The following CELF5 variants were observed in gnomAD, a reference collection of about 807,000 sequenced individuals.
CELF5 encodes CUG-BP and ETR-3 like factor 5.
A neutral mutation model predicts 54.9 loss-of-function variants in CELF5; 6 were observed. That is an observed-to-expected ratio of 0.11 (90% CI 0.06 to 0.22). CELF5 has a LOEUF of 0.22. Among genes scored for constraint, CELF5 ranks in the 10% least tolerant of loss-of-function variants. The pLI is 1.00. For synonymous variants in CELF5, 271 were observed against 290.9 expected, an observed-to-expected ratio of 0.93 and a Z score of 0.70; for missense variants, 401 against 678.6, an observed-to-expected ratio of 0.59 and a Z score of 4.54.
At chr19:3,257,606 G>C (rs890431887) in intron 2 of CELF5, among the ~76,000 whole-genome samples, 3 of 151,034 alleles carry the variant, frequency 2.0e-5, no homozygotes, top group Non-Finnish European at 4.4e-5. Flanking sequence ...CTCCCGAGTA[G>C]CTGGGATTAC....
At chr19:3,233,949 G>A (rs920986348) in intron 1 of CELF5, among the ~76,000 whole-genome samples, 2 of 152,216 alleles carry the variant, frequency 1.3e-5, no homozygotes, top group Admixed American at 6.5e-5. Flanking sequence ...AGGAGCTCCT[G>A]AAGACGGCGG....
intron 12 of CELF5, chr19:3,296,404 G>T (rs371458356): frequency 7.0e-5 from 10 of 142,980 alleles, no homozygotes; most frequent in South Asian, 4.5e-4. Flanking sequence ...TGACCCGGAG[G>T]GGGGGCGGTA....
In CELF5 at chr19:3,224,922, C is replaced by G; in HGVS notation, c.183C>G (p.Leu61=). The G allele has an allele frequency of 6.2e-7, 1 of 1,606,980 alleles. No homozygotes were observed. Among genetic ancestry groups the G allele is most frequent in the Non-Finnish European group, 8.5e-7 (1 of 1,177,642 alleles). ...CGCGGCACCTGGACGAGAAGGACCT[C>G]AAGCCGCTCTTCGAGCAGTTCGGCC... ...QIPRHLDEKD[L]KPLFEQFGRI... Residue 61 remains leucine, a synonymous_variant, in exon 1 of 13, where the codon CTC becomes CTG. Transcript: ENST00000292672.
At chr19:3,244,637 G>A (rs2079537671) in intron 1 of CELF5, among the ~76,000 whole-genome samples, 1 of 150,712 alleles carries the variant, frequency 6.6e-6, no homozygotes, top group Non-Finnish European at 1.5e-5. Context: ...CGTGTGTGGT[G>A]TGTGTATGTA....
intron 2 of CELF5, among the ~76,000 whole-genome samples, chr19:3,270,850 T>C (rs1020944513): frequency 1.3e-5 from 2 of 151,566 alleles, no homozygotes; most frequent in South Asian, 2.1e-4. Flanking sequence ...GACCTCCCAG[T>C]AGGAGGCGGA....
chr19:3,287,825 T>C lies in CELF5; in HGVS notation c.1186+1800T>C, dbSNP rs146694535. 3.8e-3 allele frequency among the ~76,000 whole-genome samples: 572 copies of C among 151,016 alleles called. 4 individuals are homozygous for C. The highest frequency in any genetic ancestry group is 5.7e-3 in the Non-Finnish European group (385 of 67,420). The stretch of plus-strand genomic sequence containing the variant: ...TTAAGAGAAAAGAAAGATGGGAACG[T>C]AGTAGAAATGGTAGCACTGTTTTCT... On this transcript the variant is annotated intron_variant, in intron 10 of 12. Transcript: ENST00000292672.
chr19:3,296,307 C>G (rs2080443421), intron 12 of CELF5: 1 of 106,340 alleles, frequency 9.4e-6, no homozygotes, highest in Non-Finnish European at 1.8e-5. Flanking sequence ...ACTTAATAAG[C>G]TCAAAAGAAA....
rs1170187725 is a variant in CELF5, at chr19:3,275,002, C to A, written c.395-854C>A. 1.3e-5 allele frequency among the ~76,000 whole-genome samples: 2 copies of A among 152,030 alleles called. No individual in the cohort carries two copies. Among genetic ancestry groups the A allele is most frequent in the African/African-American group, 4.8e-5 (2 of 41,342 alleles). On this transcript the variant is annotated intron_variant, in intron 3 of 12. Coordinates refer to ENST00000292672, the MANE Select transcript of CELF5 (RefSeq NM_021938.4). This position sits in a 1 kb window ranked among gnomAD's most constrained non-coding sequence, Gnocchi z 6.7. ...TCTGTCTCTCACAGTCTCTTTCGCG[C>A]GCACTCTCTCTCTGATCTGTCTCTC...
At chr19:3,249,159 G>A (rs952010877) in intron 1 of CELF5, among the ~76,000 whole-genome samples, 2 of 151,868 alleles carry the variant, frequency 1.3e-5, no homozygotes, top group Non-Finnish European at 2.9e-5. Flanking sequence ...GTGTCCCTGG[G>A]AGACCAGGGA....
chr19:3,296,455 AAG>A (rs2080453012), intron 12 of CELF5: 2 of 143,172 alleles, frequency 1.4e-5, no homozygotes, highest in East Asian at 2.0e-4. Context: ...AAAAAAAAAA[AAG>A]AAAAGAAAAA....
intron 1 of CELF5, among the ~76,000 whole-genome samples, chr19:3,229,648 T>C (rs1045018733): frequency 1.3e-5 from 2 of 151,738 alleles, no homozygotes; most frequent in African/African-American, 4.8e-5. Flanking sequence ...ATGAGGGAGG[T>C]GAGAGCAGAA....
chr19:3,247,043 G>T (rs1043016103), intron 1 of CELF5, among the ~76,000 whole-genome samples: 2 of 152,236 alleles, frequency 1.3e-5, no homozygotes, highest in African/African-American at 2.4e-5. Context: ...ATACACGAGA[G>T]CTGGGGTGGT....
intron 10 of CELF5, among the ~76,000 whole-genome samples, chr19:3,287,518 C>A (rs2080273862): frequency 6.6e-6 from 1 of 150,514 alleles, no homozygotes; most frequent in Non-Finnish European, 1.5e-5. Context: ...AAGATTGCGC[C>A]ACTGCACTTC....
At position 3,251,009 on chromosome 19, in the gene CELF5, C is replaced by A. The variant is rs1276027667; in HGVS notation, c.284C>A (p.Ala95Asp). The change falls in exon 2 of 13, where the codon GCC becomes GAC. Residue 95 changes from alanine (A) to aspartate (D), a missense_variant. By Grantham distance (126) the Ala-to-Asp change is moderately radical. Coordinates refer to ENST00000292672, the MANE Select transcript of CELF5 (RefSeq NM_021938.4). ...HKGCAFLTYC[A>D]RDSAIKAQTA... is the part of the protein sequence containing the mutation. ...GGCTGTGCCTTCCTCACCTACTGTG[C>A]CAGGGATTCCGCCATCAAAGCTCAG... The A allele has an allele frequency of 1.2e-6, 2 of 1,613,974 alleles. No homozygotes were observed. Among genetic ancestry groups the A allele is most frequent in the Admixed American group, 1.7e-5 (1 of 60,006 alleles).
intron 1 of CELF5, among the ~76,000 whole-genome samples, chr19:3,231,816 GGATA>G (rs1363304554): frequency 6.7e-6 from 1 of 150,282 alleles, no homozygotes; most frequent in Non-Finnish European, 1.5e-5. Context: ...GTAGGTGGGT[GGATA>G]GATGAGTGGA....
chr19:3,245,987 C>T (rs115797702), intron 1 of CELF5, among the ~76,000 whole-genome samples: 133 of 152,338 alleles, frequency 8.7e-4, no homozygotes, highest in African/African-American at 2.9e-3. Flanking sequence ...CTTCAGAAAA[C>T]GATTTGAAGG....
At chr19:3,260,129 T>G (rs1418264296) in intron 2 of CELF5, among the ~76,000 whole-genome samples, 1 of 152,244 alleles carries the variant, frequency 6.6e-6, no homozygotes, top group Non-Finnish European at 1.5e-5. Flanking sequence ...TCTTTTTTTA[T>G]TTATTGAGAC....
intron 1 of CELF5, among the ~76,000 whole-genome samples, chr19:3,238,379 C>T (rs1475158516): frequency 1.3e-5 from 2 of 152,150 alleles, no homozygotes; most frequent in Non-Finnish European, 2.9e-5. Flanking sequence ...GCACCTCCTC[C>T]TGGGTTCCTA....
chr19:3,258,359 C>G (rs2079760760), intron 2 of CELF5, among the ~76,000 whole-genome samples: 1 of 150,942 alleles, frequency 6.6e-6, no homozygotes, highest in Non-Finnish European at 1.5e-5. Context: ...TGACCTCAAG[C>G]AATCCTCCCG....
Sources: gnomAD v4.1 joint callset for allele counts (sites outside exome capture counted in the v4.1 genomes callset) on GRCh38, gnomAD v4.1.1 for gene constraint, Gnocchi (gnomAD v3.1) non-coding constraint, MANE v1.5 for transcripts, NCBI Gene and HGNC (gene_info 2026-07-23, HGNC 2026-07-21) for gene names.